The following FRMD5 variants were observed in gnomAD, a reference collection of about 807,000 sequenced individuals.
The protein encoded by FRMD5 is FERM domain-containing protein 5.
FRMD5 carries 20 observed loss-of-function variants against 69.0 expected under a neutral mutation model. The observed-to-expected ratio is 0.29, with a 90% CI of 0.20 to 0.42. The LOEUF (loss-of-function observed/expected upper bound fraction) is 0.42. Among genes scored for constraint, FRMD5 ranks in the 10% least tolerant of loss-of-function variants. The pLI, the probability that FRMD5 is intolerant of heterozygous loss-of-function variation, is 1.00. For synonymous variants in FRMD5, 271 were observed against 260.1 expected, an observed-to-expected ratio of 1.04 and a Z score of -0.40; for missense variants, 595 against 708.6, an observed-to-expected ratio of 0.84 and a Z score of 1.82.
intron 1 of FRMD5, among the ~76,000 whole-genome samples, chr15:43,983,892 G>T (rs1454591684): frequency 6.6e-6 from 1 of 152,216 alleles, no homozygotes; most frequent in African/African-American, 2.4e-5. Flanking sequence ...TAGAGAAAAT[G>T]TAAGGACAAT....
intron 7 of FRMD5, among the ~76,000 whole-genome samples, chr15:43,893,690 C>G (rs2088849123): frequency 6.6e-6 from 1 of 152,152 alleles, no homozygotes; most frequent in Non-Finnish European, 1.5e-5. Context: ...GGGCGTGAGG[C>G]ATGGGTGTGG....
intron 1 of FRMD5, among the ~76,000 whole-genome samples, chr15:44,156,723 T>C (rs556694058): frequency 4.3e-4 from 66 of 152,306 alleles, no homozygotes; most frequent in African/African-American, 1.5e-3. Flanking sequence ...AAAATAGGAT[T>C]TGATATGCAT....
chr15:44,192,278 A>G (rs1304722443), intron 1 of FRMD5, among the ~76,000 whole-genome samples: 1 of 152,174 alleles, frequency 6.6e-6, no homozygotes, highest in Non-Finnish European at 1.5e-5. Context: ...AGAATTTCTT[A>G]TAACTGAAAT....
At chr15:44,161,418 T>C (rs929007511) in intron 1 of FRMD5, among the ~76,000 whole-genome samples, 6 of 152,210 alleles carry the variant, frequency 3.9e-5, no homozygotes, top group African/African-American at 1.4e-4. Context: ...ATAGCTTCAT[T>C]AAATAATTGC....
intron 1 of FRMD5, among the ~76,000 whole-genome samples, chr15:44,153,693 G>T (rs1764542612): frequency 2.0e-5 from 3 of 152,362 alleles, no homozygotes; most frequent in African/African-American, 7.2e-5. Flanking sequence ...TTAAGGCCGG[G>T]CATGGTGGCT....
intron 1 of FRMD5, among the ~76,000 whole-genome samples, chr15:44,015,175 G>A (rs1226739946): frequency 4.0e-5 from 6 of 149,672 alleles, no homozygotes; most frequent in Admixed American, 1.3e-4. Flanking sequence ...TCACTCTGTT[G>A]CCTAGGCTGG....
intron 1 of FRMD5, among the ~76,000 whole-genome samples, chr15:44,066,275 C>G (rs1893307448): frequency 6.6e-6 from 1 of 152,184 alleles, no homozygotes; most frequent in Admixed American, 6.5e-5. Context: ...CTCTGGGTGG[C>G]TGCTGGAGAG....
chr15:44,034,775 G>C lies in FRMD5; in HGVS notation c.103-110466C>G, dbSNP rs184286101. On this transcript the variant is annotated intron_variant, in intron 1 of 13. Coordinates refer to ENST00000417257, the MANE Select transcript of FRMD5 (RefSeq NM_032892.5). ...GCAGTCTGAAACTTGGGAGCTGAGGGGGGAAGAGAAGAGTTAAGAAGCCCT... is the reference window on the plus strand; with the variant it reads ...GCAGTCTGAAACTTGGGAGCTGAGGCGGGAAGAGAAGAGTTAAGAAGCCCT... Among the ~76,000 whole-genome samples, 449 of 152,240 alleles carry C rather than the reference G, an allele frequency of 2.9e-3. 2 individuals carry two copies. Among genetic ancestry groups the C allele is most frequent in the African/African-American group, 0.01 (426 of 41,536 alleles).
intron 5 of FRMD5, among the ~76,000 whole-genome samples, chr15:43,907,206 A>AG (rs2089195823): frequency 6.6e-6 from 1 of 152,152 alleles, no homozygotes; most frequent in Non-Finnish European, 1.5e-5. Context: ...GTCTTGAGGG[A>AG]GGAGAAATAT....
intron 1 of FRMD5, among the ~76,000 whole-genome samples, chr15:43,983,920 G>A (rs1329396416): frequency 2.6e-5 from 4 of 152,182 alleles, no homozygotes; most frequent in African/African-American, 9.7e-5. Context: ...GAAGTCCCTT[G>A]ATCTCAGTTT....
At chr15:43,968,463 A>G (rs1483655251) in intron 1 of FRMD5, among the ~76,000 whole-genome samples, 1 of 152,174 alleles carries the variant, frequency 6.6e-6, no homozygotes, top group Non-Finnish European at 1.5e-5. Flanking sequence ...ATTTCCTGGG[A>G]ATTTCATTTT....
intron 1 of FRMD5, among the ~76,000 whole-genome samples, chr15:44,193,307 G>C (rs1159204911): frequency 6.6e-6 from 1 of 152,082 alleles, no homozygotes; most frequent in Non-Finnish European, 1.5e-5. Context: ...CACTCCCCTT[G>C]ATATGCTATT....
At chr15:43,882,242 T>C (rs2088548679) in intron 13 of FRMD5, among the ~76,000 whole-genome samples, 2 of 152,194 alleles carry the variant, frequency 1.3e-5, no homozygotes, top group South Asian at 4.1e-4. Context: ...TGGAGATACG[T>C]AGAATTTCTC....
At chr15:44,148,203 A>G (rs2077385270) in intron 1 of FRMD5, among the ~76,000 whole-genome samples, 1 of 152,200 alleles carries the variant, frequency 6.6e-6, no homozygotes, top group African/African-American at 2.4e-5. Flanking sequence ...AAATAATAAA[A>G]TAAGTAAATA....
intron 1 of FRMD5, among the ~76,000 whole-genome samples, chr15:44,070,409 T>C (rs1893492529): frequency 1.3e-5 from 2 of 151,094 alleles, no homozygotes; most frequent in Non-Finnish European, 2.9e-5. Flanking sequence ...GAACAAATAA[T>C]GCTTGAACAA....
chr15:44,034,130 A>G (rs1891809065), intron 1 of FRMD5, among the ~76,000 whole-genome samples: 1 of 152,204 alleles, frequency 6.6e-6, no homozygotes, highest in Non-Finnish European at 1.5e-5. Flanking sequence ...TTTCCTTGGC[A>G]ATAGTCTGGG....
At chr15:43,970,061 G>T (rs1271037894) in intron 1 of FRMD5, among the ~76,000 whole-genome samples, 1 of 152,200 alleles carries the variant, frequency 6.6e-6, no homozygotes, top group Non-Finnish European at 1.5e-5. Context: ...AGAAGAAAAA[G>T]TGGGAACTGG....
intron 1 of FRMD5, among the ~76,000 whole-genome samples, chr15:44,128,427 A>G (rs1399647782): frequency 6.6e-6 from 1 of 152,192 alleles, no homozygotes; most frequent in African/African-American, 2.4e-5. Context: ...CAGTGAGTCG[A>G]GATCATGCCA....
rs1299497847 is a variant in FRMD5, at chr15:44,012,772, T to TG, written c.103-88464_103-88463insC. Among the ~76,000 whole-genome samples the TG allele has an allele frequency of 4.0e-5, 6 of 149,522 alleles. No individual in the cohort carries two copies. In the East Asian group the frequency reaches 1.2e-3, roughly 29 times the overall value. ...TGGCAAGTTATTGGGTTTTTTTTTTTTTTTTTTTTTTGAGATGGAGTTTCG... is the reference window on the plus strand; with the variant it reads ...TGGCAAGTTATTGGGTTTTTTTTTTTGTTTTTTTTTTTGAGATGGAGTTTCG... On this transcript the variant is annotated intron_variant, in intron 1 of 13. Coordinates refer to ENST00000417257, the MANE Select transcript of FRMD5 (RefSeq NM_032892.5).
Sources: allele counts gnomAD v4.1 joint callset (sites outside exome capture counted in the v4.1 genomes callset), GRCh38; gene constraint gnomAD v4.1.1; transcripts MANE v1.5; gene names NCBI Gene and HGNC (gene_info 2026-07-23, HGNC 2026-07-21).